SIRPG: variants seen among roughly 807,000 people sequenced by gnomAD.
The protein encoded by SIRPG is signal-regulatory protein gamma.
In SIRPG, 38 loss-of-function variants were observed where a neutral mutation model predicts 35.7. The observed-to-expected ratio is 1.06, with a 90% CI of 0.82 to 1.40. The LOEUF is 1.40. Among genes scored for constraint, SIRPG ranks in the 40% most tolerant of loss-of-function variants. SIRPG has a pLI of 0.00. For missense variants in SIRPG, 519 were observed against 483.0 expected (o/e 1.07, Z -0.70); for synonymous variants, 215 against 190.4 (o/e 1.13, Z -1.06).
chr20:1,671,702 A>G, the SIRPG span, among the ~76,000 whole-genome samples: 1 of 152,214 alleles, frequency 6.6e-6, no homozygotes, highest in Admixed American at 6.5e-5. Flanking sequence ...CATTTTTTCT[A>G]TAGATTATAG....
At chr20:1,633,527 T>C (rs1373650732) in intron 4 of SIRPG, 3 of 152,226 alleles carry the variant, frequency 2.0e-5, no homozygotes, top group East Asian at 1.9e-4. Context: ...CACCCAACTA[T>C]GGATTCCATT....
At chr20:1,659,879 T>G (rs2091991694), upstream of SIRPG, among the ~76,000 whole-genome samples, 1 of 152,174 alleles carries the variant, frequency 6.6e-6, no homozygotes, top group African/African-American at 2.4e-5. Context: ...CATGATCACA[T>G]GGGGAATTAT....
intron 1 of SIRPG, among the ~76,000 whole-genome samples, chr20:1,649,903 T>A (rs933022878): frequency 2.0e-5 from 3 of 149,422 alleles, no homozygotes; most frequent in African/African-American, 7.4e-5. Flanking sequence ...AGTGCTGGGA[T>A]GACAGGTGAG....
At chr20:1,643,738 C>T (rs538165791) in intron 2 of SIRPG, among the ~76,000 whole-genome samples, 4 of 152,136 alleles carry the variant, frequency 2.6e-5, no homozygotes, top group Non-Finnish European at 5.9e-5. Context: ...AGGCTGCTGA[C>T]CCTTGGATGG....
rs868456979 is a variant in SIRPG at position 1,630,255 on chromosome 20, G to T, written c.1133C>A (p.Pro378His). Residue 378 changes from proline (P) to histidine (H), a missense_variant, in exon 5 of 6, where the codon CCC (proline) becomes CAC (histidine). By Grantham distance (77) the Pro-to-His change is moderately conservative (BLOSUM62 -2). Coordinates refer to ENST00000303415, the MANE Select transcript of SIRPG (RefSeq NM_018556.4). ...CTTCTGCTTCCAGGGGACGTAGATGGGGCCCAGGAGGACAGCTATGAGGAG... is the reference window on the plus strand; with the variant it reads ...CTTCTGCTTCCAGGGGACGTAGATGTGGCCCAGGAGGACAGCTATGAGGAG... ...ALLLIAVLLGPIYVPWKQKT is the reference protein window; with the variant it reads ...ALLLIAVLLGHIYVPWKQKT 6.4e-7 allele frequency: 1 copy of T among 1,574,532 alleles called. No homozygotes were observed. The highest frequency in any genetic ancestry group is 2.3e-5 in the East Asian group (1 of 43,090).
the SIRPG span, chr20:1,676,918 C>A: frequency 6.4e-6 from 1 of 157,468 alleles, no homozygotes; most frequent in South Asian, 1.7e-4. Context: ...GTCATTTATT[C>A]ATCCTTACAT....
At chr20:1,653,043 G>GA (rs1225472370) in intron 1 of SIRPG, among the ~76,000 whole-genome samples, 2 of 151,848 alleles carry the variant, frequency 1.3e-5, no homozygotes, top group East Asian at 1.9e-4. Context: ...AGGACTTAGT[G>GA]AAAAAAAATC....
chr20:1,639,355 A>G (rs896412741), intron 2 of SIRPG, among the ~76,000 whole-genome samples: 3 of 151,912 alleles, frequency 2.0e-5, no homozygotes, highest in African/African-American at 7.3e-5. Context: ...TTTGATTTTC[A>G]TTTCTCTAAT....
chr20:1,645,912 C>T (rs1007946624), intron 2 of SIRPG: 1 of 152,256 alleles, frequency 6.6e-6, no homozygotes, highest in Non-Finnish European at 1.5e-5. Context: ...AAACTGAGGA[C>T]TCAAGGGAAG....
chr20:1,650,004 G>GTGTATATATATATATA (rs774462534), intron 1 of SIRPG, among the ~76,000 whole-genome samples: 41 of 98,814 alleles, frequency 4.1e-4, no homozygotes, highest in African/African-American at 1.6e-3. Context: ...TTTGAAGTGT[G>GTGTATATATATATATA]TATATATATA....
At chr20:1,632,373 G>A (rs774749381) in intron 4 of SIRPG, among the ~76,000 whole-genome samples, 4 of 152,058 alleles carry the variant, frequency 2.6e-5, no homozygotes, top group East Asian at 1.9e-4. Context: ...TCTCTTACCC[G>A]GCTCCCACGC....
At chr20:1,650,989 T>C (rs2091936909) in intron 1 of SIRPG, among the ~76,000 whole-genome samples, 1 of 152,172 alleles carries the variant, frequency 6.6e-6, no homozygotes, top group South Asian at 2.1e-4. Flanking sequence ...GAAAAACCTG[T>C]CAACCATGAA....
chr20:1,655,365 GTC>G (rs1362012410), intron 1 of SIRPG, among the ~76,000 whole-genome samples: 37 of 152,184 alleles, frequency 2.4e-4, no homozygotes, highest in African/African-American at 8.4e-4. Flanking sequence ...GGGAAACCCT[GTC>G]ATTTGCAACA....
At chr20:1,660,010 T>C (rs1375529267), upstream of SIRPG, among the ~76,000 whole-genome samples, 2 of 152,192 alleles carry the variant, frequency 1.3e-5, no homozygotes, top group Non-Finnish European at 2.9e-5. Flanking sequence ...ACTTCACACC[T>C]GAGCAAATAT....
the SIRPG span, among the ~76,000 whole-genome samples, chr20:1,682,797 C>T: frequency 6.6e-6 from 1 of 152,148 alleles, no homozygotes; most frequent in South Asian, 2.1e-4. Flanking sequence ...TCTAGGCAAT[C>T]AGTTTCTAGA....
intron 4 of SIRPG, among the ~76,000 whole-genome samples, chr20:1,634,939 A>T (rs948622491): frequency 3.3e-5 from 5 of 151,562 alleles, no homozygotes; most frequent in Admixed American, 6.6e-5. Context: ...GCTACTCGGG[A>T]GGCTGAGACA....
intron 2 of SIRPG, among the ~76,000 whole-genome samples, chr20:1,642,699 G>A (rs1046083417): frequency 1.3e-4 from 20 of 152,236 alleles, no homozygotes; most frequent in African/African-American, 4.3e-4. Context: ...TTTTTGCAGT[G>A]GCTGGTACCG....
chr20:1,633,031 G>A (rs1432402667), intron 4 of SIRPG, among the ~76,000 whole-genome samples: 1 of 152,064 alleles, frequency 6.6e-6, no homozygotes, highest in African/African-American at 2.4e-5. Flanking sequence ...AACAGAAATG[G>A]CATATTTTAG....
intron 1 of SIRPG, among the ~76,000 whole-genome samples, chr20:1,652,544 T>C (rs775601238): frequency 8.5e-5 from 13 of 152,218 alleles, no homozygotes; most frequent in Non-Finnish European, 1.8e-4. Context: ...TGTTTCAATA[T>C]ACAAATGACA....
Sources: gnomAD v4.1 joint callset for allele counts (sites outside exome capture counted in the v4.1 genomes callset) on GRCh38, gnomAD v4.1.1 for gene constraint, MANE v1.5 for transcripts, NCBI Gene and HGNC (gene_info 2026-07-23, HGNC 2026-07-21) for gene names.